SLIT2: variants seen among roughly 807,000 people sequenced by gnomAD.
The protein encoded by SLIT2 is slit guidance ligand 2.
In SLIT2, 41 loss-of-function variants were observed where a neutral mutation model predicts 185.7. That is an observed-to-expected ratio of 0.22 (90% confidence interval 0.17 to 0.29). The LOEUF is 0.29. Ranked by LOEUF, SLIT2 falls within the 10% of genes least tolerant of loss-of-function variation. SLIT2 has a pLI of 1.00. For synonymous variants in SLIT2, 693 were observed against 680.2 expected, an observed-to-expected ratio of 1.02 and a Z score of -0.29; for missense variants, 1,571 against 1,909.0, an observed-to-expected ratio of 0.82 and a Z score of 3.30.
In SLIT2 at chr4:20,253,749, G is replaced by T. The variant is rs963009270; in HGVS notation, c.-67G>T. 1.3e-6 allele frequency: 2 copies of T among 1,563,472 alleles called. No homozygotes were observed. The highest frequency in any genetic ancestry group is 1.3e-5 in the African/African-American group (1 of 74,290). The stretch of plus-strand genomic sequence containing the variant: ...GGGCACTGGGCCTCAGACACTGCGC[G>T]GTTCCCTCGGAGCAGCAAGCTAAAG... On this transcript the variant is annotated 5_prime_UTR_variant, in exon 1 of 37. Transcript: ENST00000504154.
chr4:20,287,698 A>G (rs1416446225), intron 4 of SLIT2, among the ~76,000 whole-genome samples: 1 of 152,134 alleles, frequency 6.6e-6, no homozygotes, highest in Non-Finnish European at 1.5e-5. Flanking sequence ...TTTATGTAAA[A>G]ATGATCATAT....
intron 4 of SLIT2, among the ~76,000 whole-genome samples, chr4:20,367,433 G>C (rs1419491447): frequency 6.6e-6 from 1 of 152,126 alleles, no homozygotes; most frequent in Non-Finnish European, 1.5e-5. Flanking sequence ...TTCAACTTCA[G>C]TGTATGGATG....
At chr4:20,433,768 C>G (rs539699612) in intron 4 of SLIT2, among the ~76,000 whole-genome samples, 9 of 152,292 alleles carry the variant, frequency 5.9e-5, no homozygotes, top group African/African-American at 2.2e-4. Flanking sequence ...TGCAATTTAT[C>G]TGCCTCTTCG....
chr4:20,277,400 T>G (rs549488782), intron 4 of SLIT2, among the ~76,000 whole-genome samples: 1 of 152,128 alleles, frequency 6.6e-6, no homozygotes, highest in South Asian at 2.1e-4. Context: ...AAATCTGGTG[T>G]TCTTCTCATA....
chr4:20,465,971 T>TC (rs797014341), intron 4 of SLIT2, among the ~76,000 whole-genome samples: 9 of 152,068 alleles, frequency 5.9e-5, no homozygotes, highest in Admixed American at 3.9e-4. Flanking sequence ...AGGCTTTTTT[T>TC]TTTTTGTCTT....
intron 4 of SLIT2, among the ~76,000 whole-genome samples, chr4:20,436,333 C>T (rs1178798339): frequency 1.3e-5 from 2 of 152,178 alleles, no homozygotes; most frequent in Non-Finnish European, 2.9e-5. Flanking sequence ...TGTACCTAGC[C>T]TGCTTCCTTC....
chr4:20,423,013 G>GT (rs1560410368), intron 4 of SLIT2, among the ~76,000 whole-genome samples: 1 of 152,036 alleles, frequency 6.6e-6, no homozygotes, highest in Non-Finnish European at 1.5e-5. Flanking sequence ...TGTTCCTTAA[G>GT]TTTTTTAATG....
intron 4 of SLIT2, among the ~76,000 whole-genome samples, chr4:20,274,592 G>T (rs937756994): frequency 6.6e-6 from 1 of 152,100 alleles, no homozygotes; most frequent in African/African-American, 2.4e-5. Flanking sequence ...TACTTCAAAG[G>T]AATTACTAAT....
At chr4:20,468,725 G>A (rs1362109419) in intron 5 of SLIT2, among the ~76,000 whole-genome samples, 2 of 152,042 alleles carry the variant, frequency 1.3e-5, no homozygotes, top group African/African-American at 4.8e-5. Context: ...ATGTAGGGGA[G>A]AAAAGCCCCT....
intron 4 of SLIT2, among the ~76,000 whole-genome samples, chr4:20,426,372 G>A (rs1728557173): frequency 6.6e-6 from 1 of 152,098 alleles, no homozygotes; most frequent in Non-Finnish European, 1.5e-5. Context: ...GAGAGGCTGG[G>A]GAATCAGATT....
chr4:20,518,553 A>ATATGTGTGTGTGTG (rs1553916587), intron 11 of SLIT2, among the ~76,000 whole-genome samples: 3 of 24,586 alleles, frequency 1.2e-4, no homozygotes, highest in African/African-American at 3.4e-4. Flanking sequence ...TGCCCAGCCT[A>ATATGTGTGTGTGTG]TATGTATATA....
chr4:20,593,734 C>T (rs1186835994), intron 30 of SLIT2, among the ~76,000 whole-genome samples: 4 of 151,988 alleles, frequency 2.6e-5, no homozygotes, highest in African/African-American at 9.7e-5. Context: ...TTACCATGTA[C>T]ATCTTTAAAA....
intron 4 of SLIT2, chr4:20,394,500 T>C (rs189939440): frequency 6.6e-6 from 1 of 152,122 alleles, no homozygotes; most frequent in East Asian, 1.9e-4. Context: ...ATCTTGTCTA[T>C]TCAAATGGGA....
chr4:20,542,588 G>A lies in SLIT2; in HGVS notation c.2238G>A (p.Lys746=). ...TCCGATGTAGCAACAAGGGTTTGAA[G>A]GTCTTGCCGAAAGGTATTCCAAGAG... ...TVVRCSNKGL[K]VLPKGIPRDV... The change falls in exon 21 of 37, where the codon AAG becomes AAA. Residue 746 remains lysine (K), a synonymous_variant. Coordinates refer to ENST00000504154, the MANE Select transcript of SLIT2 (RefSeq NM_004787.4). 1.9e-6 allele frequency: 3 copies of A among 1,613,860 alleles called. No individual in the cohort carries two copies. The highest frequency in any genetic ancestry group is 2.5e-6 in the Non-Finnish European group (3 of 1,179,822).
intron 3 of SLIT2, among the ~76,000 whole-genome samples, chr4:20,266,708 C>G (rs145019530): frequency 1.1e-3 from 174 of 152,012 alleles, no homozygotes; most frequent in Admixed American, 2.4e-3. Flanking sequence ...AGTCTTTATG[C>G]TTGAAGAGCT....
intron 30 of SLIT2, among the ~76,000 whole-genome samples, chr4:20,595,307 C>T (rs887745063): frequency 4.6e-5 from 7 of 151,922 alleles, no homozygotes; most frequent in African/African-American, 1.5e-4. Context: ...TACAACATAG[C>T]ACTTTTATAA....
intron 4 of SLIT2, among the ~76,000 whole-genome samples, chr4:20,361,380 G>A (rs1402220959): frequency 3.3e-5 from 5 of 151,990 alleles, no homozygotes; most frequent in Non-Finnish European, 7.4e-5. Flanking sequence ...ACTAAATCAT[G>A]TACTACTAAT....
At chr4:20,415,181 G>T (rs1226652738) in intron 4 of SLIT2, among the ~76,000 whole-genome samples, 2 of 152,114 alleles carry the variant, frequency 1.3e-5, no homozygotes, top group Non-Finnish European at 2.9e-5. Context: ...GGAGGCCGAG[G>T]CGGGCGGATC....
intron 11 of SLIT2, among the ~76,000 whole-genome samples, chr4:20,512,662 T>C (rs1413497777): frequency 6.6e-6 from 1 of 152,132 alleles, no homozygotes; most frequent in East Asian, 1.9e-4. Flanking sequence ...TGAACAGTAA[T>C]ACTATCCAGA....
Sources: gnomAD v4.1 joint callset for allele counts (sites outside exome capture counted in the v4.1 genomes callset) on GRCh38, gnomAD v4.1.1 for gene constraint, MANE v1.5 for transcripts, NCBI Gene and HGNC (gene_info 2026-07-23, HGNC 2026-07-21) for gene names.